Variants in PTPRD observed in about 807,000 individuals in gnomAD.
PTPRD encodes protein tyrosine phosphatase receptor type D.
Under a neutral mutation model 214.5 loss-of-function variants are expected in PTPRD, and 34 were observed. That is an observed-to-expected ratio of 0.16 (90% CI 0.12 to 0.21). The LOEUF is 0.21. Ranked by LOEUF, PTPRD falls within the 10% of genes least tolerant of loss-of-function variation. PTPRD has a pLI of 1.00. For synonymous variants in PTPRD, 1,128 were observed against 845.7 expected, an observed-to-expected ratio of 1.33 and a Z score of -5.79; for missense variants, 2,545 against 2,398.7, an observed-to-expected ratio of 1.06 and a Z score of -1.27.
At chr9:8,968,270 A>G (rs2099212414) in intron 11 of PTPRD, among the ~76,000 whole-genome samples, 1 of 152,228 alleles carries the variant, frequency 6.6e-6, no homozygotes. Context: ...GTATATACCC[A>G]GTAATGGGAT....
intron 8 of PTPRD, among the ~76,000 whole-genome samples, chr9:9,493,360 G>A (rs1202903440): frequency 6.6e-6 from 1 of 152,128 alleles, no homozygotes; most frequent in East Asian, 1.9e-4. Context: ...AATTCACCAG[G>A]AACAGAGTCT....
chr9:8,718,121 G>C (rs553216808), intron 12 of PTPRD, among the ~76,000 whole-genome samples: 1 of 152,320 alleles, frequency 6.6e-6, no homozygotes, highest in East Asian at 1.9e-4. Context: ...AGGGGAGAAT[G>C]CTTGTAAAGC....
intron 8 of PTPRD, among the ~76,000 whole-genome samples, chr9:9,516,893 A>T (rs184902136): frequency 6.2e-4 from 94 of 152,234 alleles, no homozygotes; most frequent in African/African-American, 1.6e-3. Flanking sequence ...CTAAAAATTA[A>T]ACATATTTAT....
chr9:8,739,768 G>T (rs887048651), intron 11 of PTPRD, among the ~76,000 whole-genome samples: 4 of 152,114 alleles, frequency 2.6e-5, no homozygotes, highest in Non-Finnish European at 1.5e-5. Flanking sequence ...CATGTGTTAT[G>T]GGAGGGACCC....
At chr9:9,376,107 A>G (rs947723061) in intron 9 of PTPRD, among the ~76,000 whole-genome samples, 1 of 152,160 alleles carries the variant, frequency 6.6e-6, no homozygotes, top group East Asian at 1.9e-4. Context: ...ACATTCTACT[A>G]TACCATGATT....
intron 3 of PTPRD, among the ~76,000 whole-genome samples, chr9:10,205,463 T>C (rs1395049696): frequency 6.6e-6 from 1 of 152,014 alleles, no homozygotes; most frequent in African/African-American, 2.4e-5. Flanking sequence ...TGGAGTGCAG[T>C]GGCCTGATCT....
intron 9 of PTPRD, among the ~76,000 whole-genome samples, chr9:9,209,687 G>C (rs2099947278): frequency 6.6e-6 from 1 of 152,148 alleles, no homozygotes; most frequent in Non-Finnish European, 1.5e-5. Flanking sequence ...TATTGTTGAA[G>C]TGGGTGATGG....
chr9:10,461,023 C>T (rs937475688), intron 2 of PTPRD, among the ~76,000 whole-genome samples: 2 of 152,018 alleles, frequency 1.3e-5, no homozygotes, highest in Non-Finnish European at 2.9e-5. Context: ...AAGATTTACA[C>T]ATAATTCATA....
intron 8 of PTPRD, among the ~76,000 whole-genome samples, chr9:9,439,191 T>G (rs2086524481): frequency 1.1e-5 from 1 of 94,552 alleles, no homozygotes; most frequent in Non-Finnish European, 2.3e-5. Flanking sequence ...GTTAATACAT[T>G]AGATTTTTTT....
At chr9:9,229,559 A>G (rs1224709292) in intron 9 of PTPRD, among the ~76,000 whole-genome samples, 5 of 152,132 alleles carry the variant, frequency 3.3e-5, no homozygotes, top group Admixed American at 3.3e-4. Context: ...TGTTGAGAGA[A>G]AACTTATGGC....
At chr9:8,642,145 T>C (rs1216346819) in intron 12 of PTPRD, among the ~76,000 whole-genome samples, 3 of 150,436 alleles carry the variant, frequency 2.0e-5, no homozygotes, top group African/African-American at 5.0e-5. Flanking sequence ...AGTTGAGGTA[T>C]ATGATTGGCC....
At chr9:8,951,146 T>TGTGTGTGTGC (rs2099099702) in intron 11 of PTPRD, among the ~76,000 whole-genome samples, 1 of 151,538 alleles carries the variant, frequency 6.6e-6, no homozygotes, top group South Asian at 2.1e-4. Context: ...AGAGTGTGTG[T>TGTGTGTGTGC]GTGTGTGTGT....
At chr9:9,554,162 C>A (rs574959745) in intron 8 of PTPRD, among the ~76,000 whole-genome samples, 10 of 152,122 alleles carry the variant, frequency 6.6e-5, no homozygotes, top group Admixed American at 6.6e-4. Context: ...AACTCAACCA[C>A]TGGTTCATGT....
intron 8 of PTPRD, among the ~76,000 whole-genome samples, chr9:9,493,948 A>C (rs1445176876): frequency 6.6e-6 from 1 of 152,142 alleles, no homozygotes; most frequent in Non-Finnish European, 1.5e-5. Context: ...TATTAAGAAC[A>C]TTTGTAATTC....
intron 4 of PTPRD, among the ~76,000 whole-genome samples, chr9:10,022,472 T>C (rs2096842416): frequency 6.6e-6 from 1 of 151,844 alleles, no homozygotes; most frequent in South Asian, 2.1e-4. Context: ...ATTCAGGTGC[T>C]ACCCCACAAG....
At chr9:8,525,171 G>C (rs773412755) in intron 17 of PTPRD, 136 bp from the exon 18 acceptor site, 21 of 791,026 alleles carry the variant, frequency 2.7e-5, no homozygotes, top group Non-Finnish European at 3.8e-5. Context: ...CTCTTGCTAA[G>C]TTGCACAGAC....
intron 11 of PTPRD, among the ~76,000 whole-genome samples, chr9:8,877,495 T>A (rs1425601814): frequency 2.0e-5 from 3 of 152,208 alleles, no homozygotes; most frequent in Non-Finnish European, 2.9e-5. Flanking sequence ...AATTAACTTA[T>A]TAAAAATAAA....
chr9:10,460,397 A>C (rs1295515820), intron 2 of PTPRD, among the ~76,000 whole-genome samples: 2 of 152,000 alleles, frequency 1.3e-5, no homozygotes, highest in Non-Finnish European at 2.9e-5. Context: ...TTTGTATGAA[A>C]CCACAAAAGA....
intron 10 of PTPRD, among the ~76,000 whole-genome samples, chr9:9,059,854 TAG>T (rs1467924764): frequency 6.6e-6 from 1 of 152,092 alleles, no homozygotes; most frequent in Non-Finnish European, 1.5e-5. Context: ...TAAAAATGTA[TAG>T]GACCCCTACA....
Sources: allele counts gnomAD v4.1 joint callset (sites outside exome capture counted in the v4.1 genomes callset), GRCh38; gene constraint gnomAD v4.1.1; transcripts MANE v1.5; gene names NCBI Gene and HGNC (gene_info 2026-07-23, HGNC 2026-07-21).